The following KIAA1191 variants were observed in gnomAD, a reference collection of about 807,000 sequenced individuals.
The protein encoded by KIAA1191 is KIAA1191, also known as putative monooxygenase p33MONOX.
In KIAA1191, 22 loss-of-function variants were observed where a neutral mutation model predicts 31.1. That is an observed-to-expected ratio of 0.71 (90% CI 0.51 to 1.01). The LOEUF (loss-of-function observed/expected upper bound fraction) is 1.01, where lower values mean the gene tolerates loss of function less well. Among genes scored for constraint, KIAA1191 ranks in the 50% least tolerant of loss-of-function variants. The pLI is 0.00. For synonymous variants in KIAA1191, 130 were observed against 143.9 expected (o/e 0.90, Z 0.69); for missense variants, 319 against 388.0 (o/e 0.82, Z 1.49).
chr5:176,356,778 A>G (rs1023481767), intron 3 of KIAA1191, among the ~76,000 whole-genome samples: 8 of 152,236 alleles, frequency 5.3e-5, no homozygotes, highest in African/African-American at 1.9e-4. Flanking sequence ...CTAAAATCAT[A>G]TAATAACACT....
In KIAA1191 at chr5:176,355,640, A is replaced by G; in HGVS notation, c.138T>C (p.Pro46=). ...AAGGGACGCTGCCCATGTCCGATGGAGGAGGAGTCATGGGCGCAGGGTCCT... is the reference window on the plus strand; with the variant it reads ...AAGGGACGCTGCCCATGTCCGATGGGGGAGGAGTCATGGGCGCAGGGTCCT... The part of the protein sequence containing the change: ...TLEDPAPMTP[P]PSDMGSVPWK... The change falls in exon 4 of 9, where the codon CCT becomes CCC. Residue 46 remains proline (P), a synonymous_variant. Coordinates refer to ENST00000298569, the MANE Select transcript of KIAA1191 (RefSeq NM_020444.5). The surrounding 1 kb of genome is among the most constrained non-coding windows in gnomAD (Gnocchi z 4.2). The G allele has an allele frequency of 6.2e-7, 1 of 1,612,850 alleles. No homozygotes were observed. The highest frequency in any genetic ancestry group is 1.1e-5 in the South Asian group (1 of 91,010).
chr5:176,360,833 T>A (rs1455208813), intron 1 of KIAA1191, among the ~76,000 whole-genome samples: 1 of 151,776 alleles, frequency 6.6e-6, no homozygotes, highest in South Asian at 2.1e-4. Context: ...AAAAAAATGT[T>A]AAAAATAATA....
intron 6 of KIAA1191, chr5:176,349,178 C>G (rs1453250838): frequency 1.3e-5 from 2 of 152,206 alleles, no homozygotes; most frequent in African/African-American, 4.8e-5. Context: ...AAAGTCAATC[C>G]TACCATTATA....
chr5:176,347,233 G>A lies in KIAA1191; in HGVS notation c.*367C>T, dbSNP rs1012357504. ...TTTATTTATTTATTGATGGCGTCTC[G>A]TTCTGTCGCCCAGGCTGGAGTGTAA... On this transcript the variant is annotated 3_prime_UTR_variant, in exon 9 of 9. Coordinates refer to ENST00000298569, the MANE Select transcript of KIAA1191 (RefSeq NM_020444.5). The A allele has an allele frequency of 1.9e-5, 3 of 158,232 alleles. No individual in the cohort carries two copies. Among genetic ancestry groups the A allele is most frequent in the Admixed American group, 6.5e-5 (1 of 15,438 alleles). 9.8% of individuals were successfully genotyped at this position (158,232 alleles called of 1,614,324 possible).
intron 1 of KIAA1191, among the ~76,000 whole-genome samples, chr5:176,360,995 G>C (rs1011935610): frequency 1.3e-5 from 2 of 151,986 alleles, no homozygotes; most frequent in African/African-American, 4.8e-5. Context: ...TTTTCAGCTT[G>C]CTACACCGTC....
chr5:176,348,448 A>G, intron 6 of KIAA1191, 92 bp from the exon 7 acceptor site: 1 of 846,482 alleles, frequency 1.2e-6, no homozygotes, highest in South Asian at 1.6e-5. Context: ...TTCGCATTCT[A>G]ACTTTAGGCA....
At chr5:176,350,845 AC>A in intron 5 of KIAA1191, 108 bp from the exon 6 acceptor site, 2 of 1,359,292 alleles carry the variant, frequency 1.5e-6, no homozygotes, top group Admixed American at 2.2e-5. Flanking sequence ...GACCACACTG[AC>A]CATTCAAAGA....
At chr5:176,349,797 C>A (rs930591994) in intron 6 of KIAA1191, among the ~76,000 whole-genome samples, 15 of 151,546 alleles carry the variant, frequency 9.9e-5, no homozygotes, top group African/African-American at 3.6e-4. Context: ...CTCATCATAC[C>A]CTGTTCAGAA....
At chr5:176,352,787 G>A (rs763082086) in intron 4 of KIAA1191, 39 bp from the exon 5 acceptor site, 3 of 1,583,842 alleles carry the variant, frequency 1.9e-6, no homozygotes, top group Non-Finnish European at 2.6e-6. Context: ...ACTTAGGCAG[G>A]GCAGGGGAGT....
chr5:176,359,359 C>G (rs1416820534), intron 3 of KIAA1191, 122 bp downstream of exon 3: 1 of 886,474 alleles, frequency 1.1e-6, no homozygotes, highest in East Asian at 2.5e-5. Context: ...TCTAGTAAAT[C>G]TAAATACTCG....
chr5:176,347,804 A>G lies in KIAA1191; in HGVS notation c.714T>C (p.Ser238=). The change falls in exon 9 of 9, where the codon AGT becomes AGC. Residue 238 remains serine (S), a synonymous_variant. Transcript: ENST00000298569. ...CTCCTCGGTAGGCCTGGGTGGCAAA[A>G]CTTCCTACAAAAGTGAACCAGAGTG... is the stretch of plus-strand genomic sequence containing the variant. ...PRSLQKYDSG[S]FATQAYRGAQ... The G allele has an allele frequency of 6.2e-7, 1 of 1,600,114 alleles. No homozygotes were observed. The highest frequency in any genetic ancestry group is 8.5e-7 in the Non-Finnish European group (1 of 1,173,056).
chr5:176,348,248 AC>A lies in KIAA1191; in HGVS notation c.566+1del. On this transcript the variant is annotated splice_donor_variant, in intron 7 of 8. Coordinates refer to ENST00000298569, the MANE Select transcript of KIAA1191 (RefSeq NM_020444.5). LOFTEE classifies it high-confidence loss of function. Reference sequence around the variant, plus strand: ...CTCGGAAGGGTCACAGGAAGGGCTCACCTGGGCCTCTGCTTAGGTGAAGAGT... The same window carrying A: ...CTCGGAAGGGTCACAGGAAGGGCTCACTGGGCCTCTGCTTAGGTGAAGAGT... 4 of 1,613,512 alleles carry A rather than the reference AC, an allele frequency of 2.5e-6. No individual in the cohort carries two copies. The highest frequency in any genetic ancestry group is 3.4e-6 in the Non-Finnish European group (4 of 1,179,724).
intron 1 of KIAA1191, among the ~76,000 whole-genome samples, chr5:176,360,604 T>C (rs1004211616): frequency 2.7e-4 from 41 of 151,346 alleles, no homozygotes; most frequent in Non-Finnish European, 1.5e-4. Flanking sequence ...AGTTCGAGAC[T>C]AGCCTGGCCA....
Position 176,352,167 on chromosome 5 carries a change from AC to A in KIAA1191, c.334+454del, listed in dbSNP as rs1319029495. On this transcript the variant is annotated intron_variant, in intron 5 of 8. Transcript: ENST00000298569. The stretch of plus-strand genomic sequence containing the variant: ...CTTTGAGCTGTTTAAAAAAAAAAAA[AC>A]AAAAAAAAAAACAAAAACTGGGGTA... 5.2e-4 allele frequency among the ~76,000 whole-genome samples: 76 copies of A among 145,280 alleles called. 1 individual carries two copies. The highest frequency in any genetic ancestry group is 8.9e-4 in the Admixed American group (13 of 14,582).
intron 3 of KIAA1191, 75 bp downstream of exon 3, chr5:176,359,406 G>A (rs1432647755): frequency 1.9e-5 from 26 of 1,340,442 alleles, no homozygotes; most frequent in Admixed American, 1.2e-4. Context: ...ATATAGTTCC[G>A]ATAAAATGGT....
intron 5 of KIAA1191, among the ~76,000 whole-genome samples, chr5:176,351,265 C>T (rs1766976630): frequency 6.7e-6 from 1 of 149,754 alleles, no homozygotes; most frequent in Non-Finnish European, 1.5e-5. Flanking sequence ...GGCGTGAACC[C>T]GGGAGGCGGA....
intron 6 of KIAA1191, among the ~76,000 whole-genome samples, chr5:176,349,852 T>C (rs562563099): frequency 6.6e-6 from 1 of 152,302 alleles, no homozygotes; most frequent in South Asian, 2.1e-4. Context: ...TGACCCCCCC[T>C]TGCCTAAAGA....
rs569532767 is a variant in KIAA1191, at chr5:176,346,166, A to C, written c.*1434T>G. 2 of 152,224 alleles carry C rather than the reference A, an allele frequency of 1.3e-5. No homozygotes were observed. The highest frequency in any genetic ancestry group is 1.5e-5 in the Non-Finnish European group (1 of 68,040). 9.4% of individuals were successfully genotyped at this position (152,224 alleles called of 1,614,324 possible). ...TTTAGACTCCAGGGCCTCTCTATGG[A>C]AAGGCCAGCTTCTTATACAGACAAG... On this transcript the variant is annotated 3_prime_UTR_variant, in exon 9 of 9. Transcript: ENST00000298569.
chr5:176,350,790 TAAG>T (rs1766927215), intron 5 of KIAA1191, 53 bp from the exon 6 acceptor site: 2 of 1,603,440 alleles, frequency 1.2e-6, no homozygotes, highest in African/African-American at 2.7e-5. Flanking sequence ...CATCACAAAA[TAAG>T]GAGGACAACA....
Sources: allele counts gnomAD v4.1 joint callset (sites outside exome capture counted in the v4.1 genomes callset), GRCh38; gene constraint gnomAD v4.1.1; non-coding constraint Gnocchi (gnomAD v3.1); transcripts MANE v1.5; gene names NCBI Gene and HGNC (gene_info 2026-07-23, HGNC 2026-07-21).